Variants in FAM149A observed in about 807,000 individuals in gnomAD.
FAM149A encodes the protein family with sequence similarity 149 member A, also known as protein FAM149A.
FAM149A carries 71 observed loss-of-function variants against 78.2 expected under a neutral mutation model. The ratio of observed to expected loss-of-function variants is 0.91; its 90% confidence interval spans 0.75 to 1.11. FAM149A has a LOEUF of 1.11. Among genes scored for constraint, FAM149A ranks in the 50% least tolerant of loss-of-function variants. FAM149A has a pLI of 0.00. For missense variants in FAM149A, 1,036 were observed against 971.0 expected (o/e 1.07, Z -0.89); for synonymous variants, 446 against 410.5 (o/e 1.09, Z -1.04).
intron 13 of FAM149A, chr4:186,167,776 G>A: frequency 4.7e-6 from 1 of 212,998 alleles, no homozygotes; most frequent in Non-Finnish European, 9.6e-6. Flanking sequence ...TCCAGTTCCA[G>A]AACAGTCTCC....
At chr4:186,167,314 G>A (rs1360869438) in intron 13 of FAM149A, 52 bp downstream of exon 13, 2 of 1,457,386 alleles carry the variant, frequency 1.4e-6, no homozygotes, top group East Asian at 2.3e-5. Flanking sequence ...GAGATTTCAA[G>A]TTTCAGACAG....
chr4:186,145,146 G>A (rs1244372110), intron 1 of FAM149A: 2 of 985,526 alleles, frequency 2.0e-6, no homozygotes, highest in Admixed American at 6.2e-5. Context: ...CTCGCCTTCT[G>A]GCCGCTCTGC....
Position 186,172,093 on chromosome 4 carries a change from G to C in FAM149A, c.*106G>C, listed in dbSNP as rs776095214. The C allele has an allele frequency of 6.8e-7, 1 of 1,480,192 alleles. No homozygotes were observed. Among genetic ancestry groups the C allele is most frequent in the Admixed American group, 2.3e-5 (1 of 42,748 alleles). 91.7% of individuals were successfully genotyped at this position (1,480,192 alleles called of 1,614,324 possible). ...TATTTATCTGTGTGTCTGACAGTGT[G>C]AGATGTTAGACCGAGAGAAAAGCAA... On this transcript the variant is annotated 3_prime_UTR_variant, in exon 14 of 14. Coordinates refer to ENST00000389354, the MANE Select transcript of FAM149A (RefSeq NM_001367768.3).
At chr4:186,154,748 A>C (rs1488394156) in intron 6 of FAM149A, 110 bp downstream of exon 6, 2 of 1,443,782 alleles carry the variant, frequency 1.4e-6, no homozygotes, top group Admixed American at 2.5e-5. Flanking sequence ...ACTCACCCAA[A>C]AGATTTCTGT....
At chr4:186,117,987 T>A in intron 1 of FAM149A, 4 of 984,814 alleles carry the variant, frequency 4.1e-6, no homozygotes, top group Non-Finnish European at 4.8e-6. Context: ...AAGATGCGGG[T>A]TTGTCATGCA....
chr4:186,163,583 A>T lies in FAM149A; in HGVS notation c.1839A>T (p.Arg613Ser), dbSNP rs201562459. 1 of 1,614,190 alleles carries T rather than the reference A, an allele frequency of 6.2e-7. No homozygotes were observed. The highest frequency in any genetic ancestry group is 1.3e-5 in the African/African-American group (1 of 75,046). ...CTTCTCTTGCTTCAGATTCACAGAGACTAAAAACTCCCAACATCTATAGTG... is the reference window on the plus strand; with the variant it reads ...CTTCTCTTGCTTCAGATTCACAGAGTCTAAAAACTCCCAACATCTATAGTG... The change falls in exon 10 of 14, where the codon AGA becomes AGT. Residue 613 changes from arginine (R) to serine (S), a missense_variant. Around this residue, in one of 3 missense-constraint regions of FAM149A, gnomAD observed 716 missense variants for 711.8 expected, o/e 1.01. Coordinates refer to ENST00000389354, the MANE Select transcript of FAM149A (RefSeq NM_001367768.3).
At chr4:186,160,162 C>T (rs1376182704) in intron 8 of FAM149A, among the ~76,000 whole-genome samples, 1 of 147,122 alleles carries the variant, frequency 6.8e-6, no homozygotes, top group African/African-American at 2.5e-5. Context: ...ACTACACGCA[C>T]ACACACCACA....
At chr4:186,137,487 C>G (rs964349248) in intron 1 of FAM149A, among the ~76,000 whole-genome samples, 3 of 152,042 alleles carry the variant, frequency 2.0e-5, no homozygotes, top group Non-Finnish European at 4.4e-5. Flanking sequence ...GAAATGCTGA[C>G]TTCTGATTGA....
At chr4:186,157,974 G>A (rs748663113) in intron 8 of FAM149A, 9 of 1,509,864 alleles carry the variant, frequency 6.0e-6, no homozygotes, top group East Asian at 2.6e-5. Context: ...CCACGCAGGC[G>A]GCACCACCCT....
At chr4:186,106,157 A>G (rs78304529) in intron 1 of FAM149A, among the ~76,000 whole-genome samples, 1,848 of 152,254 alleles carry the variant, frequency 0.012, 39 homozygotes, top group African/African-American at 0.042. Flanking sequence ...GCATGACATC[A>G]TCTGACACAA....
At chr4:186,148,884 A>C (rs1733248448) in intron 1 of FAM149A, among the ~76,000 whole-genome samples, 2 of 152,154 alleles carry the variant, frequency 1.3e-5, no homozygotes, top group African/African-American at 4.8e-5. Flanking sequence ...TGGCTGAGTC[A>C]CAAAAAGTTG....
At chr4:186,118,100 G>C (rs761599713) in intron 1 of FAM149A, 4 of 985,412 alleles carry the variant, frequency 4.1e-6, no homozygotes, top group Non-Finnish European at 4.8e-6. Flanking sequence ...GAATATGGCA[G>C]GAAGTTAAGG....
In FAM149A at chr4:186,144,155, C is replaced by T. The variant is rs1050386074; in HGVS notation, c.567-5018C>T. On this transcript the variant is annotated intron_variant, in intron 1 of 13. Transcript: ENST00000389354. This position sits in a 1 kb window ranked among gnomAD's most constrained non-coding sequence, Gnocchi z 4.2. The stretch of plus-strand genomic sequence containing the variant: ...TGTAGTTCACCTCCGCGACCTCACC[C>T]CTTCTTCCCTTAGCATGTGAAAATG... 1 of 152,246 alleles carries T rather than the reference C, an allele frequency of 6.6e-6. No homozygotes were observed. Among genetic ancestry groups the T allele is most frequent in the African/African-American group, 2.4e-5 (1 of 41,456 alleles). 9.4% of individuals were successfully genotyped at this position (152,246 alleles called of 1,614,324 possible). A position where few individuals can be genotyped will look rare whatever the true frequency, so the allele number is the denominator to read the frequency against.
intron 13 of FAM149A, chr4:186,171,007 A>G (rs899870366): frequency 6.6e-6 from 1 of 152,384 alleles, no homozygotes; most frequent in African/African-American, 2.4e-5. Flanking sequence ...AATCATTCCA[A>G]TCAGTGATTC....
Position 186,169,439 on chromosome 4 carries a change from C to T in FAM149A, c.2218+2177C>T, listed in dbSNP as rs548212852. The stretch of plus-strand genomic sequence containing the variant: ...GGTGAGGCACATGTGGCCTCACACA[C>T]GGATTTGAGCTTGGGAGCGGGAGGC... On this transcript the variant is annotated intron_variant, in intron 13 of 13. Transcript: ENST00000389354. 5.2e-4 allele frequency: 516 copies of T among 985,282 alleles called. 1 individual carries two copies. Among genetic ancestry groups the T allele is most frequent in the Admixed American group, 8.6e-4 (14 of 16,282 alleles). The allele number at this position is 985,282 out of a possible 1,614,324, so 61.0% of individuals were successfully genotyped here. A position where few individuals can be genotyped will look rare whatever the true frequency, so the allele number is the denominator to read the frequency against.
chr4:186,112,198 GTC>G (rs1292000766), intron 1 of FAM149A, among the ~76,000 whole-genome samples: 4 of 150,260 alleles, frequency 2.7e-5, no homozygotes, highest in Non-Finnish European at 5.9e-5. Flanking sequence ...CTCTCTGTTT[GTC>G]TGTTATTGGT....
intron 1 of FAM149A, among the ~76,000 whole-genome samples, chr4:186,134,316 A>G (rs2126371616): frequency 6.6e-6 from 1 of 152,290 alleles, no homozygotes; most frequent in East Asian, 1.9e-4. Flanking sequence ...CTTTTGCAAC[A>G]TTTTAGACTG....
chr4:186,105,611 G>T lies in FAM149A; in HGVS notation c.535G>T (p.Ala179Ser). 9.5e-7 allele frequency: 1 copy of T among 1,053,756 alleles called. No homozygotes were observed. Among genetic ancestry groups the T allele is most frequent in the Non-Finnish European group, 1.2e-6 (1 of 868,056 alleles). 65.3% of individuals were successfully genotyped at this position (1,053,756 alleles called of 1,614,324 possible). A position where few individuals can be genotyped will look rare whatever the true frequency, so the allele number is the denominator to read the frequency against. The change falls in exon 1 of 14, where the codon GCC becomes TCC. Residue 179 changes from alanine (A) to serine (S), a missense_variant. Physicochemically the swap from Ala to Ser is moderately conservative, Grantham distance 99. Coordinates refer to ENST00000389354, the MANE Select transcript of FAM149A (RefSeq NM_001367768.3). ...GCTGCCTGACATCGGCGAGGAGGGG[G>T]CCTCGGACGGCGACTCCGGGGATGG...
At position 186,105,350 on chromosome 4, in the gene FAM149A, G is replaced by A. The variant is rs1210826049; in HGVS notation, c.274G>A (p.Gly92Arg). 2 of 1,179,336 alleles carry A rather than the reference G, an allele frequency of 1.7e-6. 1 individual carries two copies. The highest frequency in any genetic ancestry group is 3.1e-5 in the South Asian group (2 of 63,762). 73.1% of individuals were successfully genotyped at this position (1,179,336 alleles called of 1,614,324 possible). A position where few individuals can be genotyped will look rare whatever the true frequency, so the allele number is the denominator to read the frequency against. ...CGCCAGCCGCGCCGCGGGAGCAGTGGGGACCCTGCTCTCTTGGCCCAGTAG... is the reference window on the plus strand; with the variant it reads ...CGCCAGCCGCGCCGCGGGAGCAGTGAGGACCCTGCTCTCTTGGCCCAGTAG... Residue 92 changes from glycine to arginine, a missense_variant, in exon 1 of 14, where the codon GGG (glycine) becomes AGG (arginine). By Grantham distance (125) the Gly-to-Arg change is moderately radical. Transcript: ENST00000389354.
Sources: gnomAD v4.1 joint callset for allele counts (sites outside exome capture counted in the v4.1 genomes callset) on GRCh38, gnomAD v4.1.1 for gene constraint, gnomAD v4.1.1 regional missense constraint, Gnocchi (gnomAD v3.1) non-coding constraint, MANE v1.5 for transcripts, NCBI Gene and HGNC (gene_info 2026-07-23, HGNC 2026-07-21) for gene names.